Variants in ELP3 observed in about 807,000 individuals in gnomAD.
ELP3 encodes the protein elongator complex protein 3.
ELP3 carries 56 observed loss-of-function variants against 74.9 expected under a neutral mutation model. The observed-to-expected ratio is 0.75, with a 90% CI of 0.60 to 0.93. ELP3 has a LOEUF of 0.93. Ranked by LOEUF, ELP3 falls within the 40% of genes least tolerant of loss-of-function variation. The pLI is 0.00. For missense variants in ELP3, 573 were observed against 686.5 expected (o/e 0.83, Z 1.85); for synonymous variants, 222 against 239.8 (o/e 0.93, Z 0.68).
chr8:28,137,333 G>A (rs1269623594), intron 9 of ELP3, among the ~76,000 whole-genome samples: 4 of 152,144 alleles, frequency 2.6e-5, no homozygotes, highest in Non-Finnish European at 4.4e-5. Flanking sequence ...CTCTGAAGAA[G>A]TGGCATTCAA....
chr8:28,166,490 A>G (rs960157399), intron 14 of ELP3, among the ~76,000 whole-genome samples: 55 of 152,240 alleles, frequency 3.6e-4, no homozygotes, highest in African/African-American at 1.3e-3. Flanking sequence ...AGCTTAATCC[A>G]TATAGCTTCT....
intron 9 of ELP3, among the ~76,000 whole-genome samples, chr8:28,135,640 A>G: frequency 6.6e-6 from 1 of 152,150 alleles, no homozygotes; most frequent in East Asian, 1.9e-4. Context: ...CTGTTCGGGA[A>G]AGGCTAAGGG....
In ELP3 at chr8:28,106,780, G is replaced by A. The variant is rs374512748; in HGVS notation, c.326G>A (p.Cys109Tyr). The part of the protein sequence containing the change: ...CPHISFTGNI[C>Y]VYCPGGPDSD... Reference sequence around the variant, plus strand: ...CACATCAGTTTTACAGGAAATATATGTGTGTAAGTATGGTGATTTTATTAA... The same window carrying A: ...CACATCAGTTTTACAGGAAATATATATGTGTAAGTATGGTGATTTTATTAA... Residue 109 changes from cysteine to tyrosine, a missense_variant, in exon 4 of 15, where the codon TGT becomes TAT. Coordinates refer to ENST00000256398, the MANE Select transcript of ELP3 (RefSeq NM_018091.6). 298 of 1,611,202 alleles carry A rather than the reference G, an allele frequency of 1.8e-4. No individual in the cohort carries two copies. The highest frequency in any genetic ancestry group is 2.3e-4 in the Non-Finnish European group (275 of 1,178,604).
chr8:28,149,047 C>T (rs1425977412), intron 10 of ELP3, among the ~76,000 whole-genome samples: 1 of 152,184 alleles, frequency 6.6e-6, no homozygotes, highest in Non-Finnish European at 1.5e-5. Context: ...AGCAAGAAGG[C>T]ACCATCTGTG....
intron 10 of ELP3, among the ~76,000 whole-genome samples, chr8:28,142,427 G>T (rs958968208): frequency 2.6e-5 from 4 of 152,210 alleles, no homozygotes; most frequent in Non-Finnish European, 4.4e-5. Context: ...TATGGAGCTT[G>T]TGAGTGAGGA....
intron 7 of ELP3, among the ~76,000 whole-genome samples, chr8:28,121,640 T>C (rs1012773040): frequency 1.3e-5 from 2 of 152,098 alleles, no homozygotes; most frequent in African/African-American, 4.8e-5. Flanking sequence ...TTTTTTCAAA[T>C]TTTTGCTGCT....
intron 10 of ELP3, among the ~76,000 whole-genome samples, chr8:28,138,628 A>G (rs1488290549): frequency 6.6e-6 from 1 of 152,236 alleles, no homozygotes; most frequent in African/African-American, 2.4e-5. Context: ...CTGCAAATGC[A>G]TTACAATCAG....
intron 1 of ELP3, 48 bp downstream of exon 1, chr8:28,093,281 G>A: frequency 1.2e-6 from 2 of 1,608,068 alleles, no homozygotes; most frequent in Non-Finnish European, 1.7e-6. Context: ...CGAAAGGGGC[G>A]AACGCCCAGG....
chr8:28,091,130 T>A (rs770760770), upstream of ELP3, among the ~76,000 whole-genome samples: 9 of 151,964 alleles, frequency 5.9e-5, no homozygotes, highest in Non-Finnish European at 1.0e-4. Context: ...ATGGTCTTGA[T>A]CTCCTGACCT....
At chr8:28,094,237 A>G (rs1811164053) in intron 1 of ELP3, among the ~76,000 whole-genome samples, 1 of 152,206 alleles carries the variant, frequency 6.6e-6, no homozygotes, top group Admixed American at 6.5e-5. Context: ...CTTACTTAGA[A>G]ATTACTTCTT....
chr8:28,113,458 T>C (rs868597216), intron 7 of ELP3, among the ~76,000 whole-genome samples: 10 of 30,890 alleles, frequency 3.2e-4, no homozygotes, highest in Middle Eastern at 8.3e-3. Flanking sequence ...ATATGGTCCA[T>C]GAATGTCTTT....
At chr8:28,117,099 C>T (rs970178137) in intron 7 of ELP3, among the ~76,000 whole-genome samples, 3 of 152,068 alleles carry the variant, frequency 2.0e-5, no homozygotes, top group African/African-American at 7.2e-5. Context: ...ATCTTGAAGA[C>T]CTTACATATT....
At chr8:28,091,377 A>G (rs186165824), upstream of ELP3, among the ~76,000 whole-genome samples, 26 of 152,252 alleles carry the variant, frequency 1.7e-4, no homozygotes, top group South Asian at 2.1e-4. Context: ...TTTTCAGTTT[A>G]ACTTTGGAAT....
chr8:28,099,548 C>G (rs1470841050), intron 2 of ELP3, among the ~76,000 whole-genome samples: 12 of 152,186 alleles, frequency 7.9e-5, no homozygotes, highest in Non-Finnish European at 1.8e-4. Flanking sequence ...AGCTGCAGCA[C>G]TATTCTGAAC....
intron 7 of ELP3, among the ~76,000 whole-genome samples, chr8:28,119,599 T>C (rs1409108799): frequency 2.0e-5 from 2 of 98,776 alleles, no homozygotes; most frequent in Non-Finnish European, 3.7e-5. Flanking sequence ...TATATATATA[T>C]ATATATATAT....
At chr8:28,158,291 A>G (rs1156312847) in intron 11 of ELP3, among the ~76,000 whole-genome samples, 1 of 152,072 alleles carries the variant, frequency 6.6e-6, no homozygotes, top group Non-Finnish European at 1.5e-5. Flanking sequence ...AGATTATATT[A>G]TATATTGATC....
At chr8:28,124,519 A>G (rs1812498329) in intron 7 of ELP3, among the ~76,000 whole-genome samples, 1 of 152,234 alleles carries the variant, frequency 6.6e-6, no homozygotes, top group South Asian at 2.1e-4. Flanking sequence ...TCATTTAGCA[A>G]CCACTTTCTG....
chr8:28,095,189 C>CCTAT (rs1312807305), intron 1 of ELP3, among the ~76,000 whole-genome samples: 1 of 152,110 alleles, frequency 6.6e-6, no homozygotes, highest in African/African-American at 2.4e-5. Flanking sequence ...CAAATCTTGC[C>CCTAT]CTATCTTTAA....
At chr8:28,110,778 C>T (rs1811886776) in intron 6 of ELP3, 1 of 227,952 alleles carries the variant, frequency 4.4e-6, no homozygotes, top group South Asian at 6.7e-5. Context: ...TTCCAAAAGT[C>T]AGATTAAGAA....
Sources: gnomAD v4.1 joint callset for allele counts (sites outside exome capture counted in the v4.1 genomes callset) on GRCh38, gnomAD v4.1.1 for gene constraint, MANE v1.5 for transcripts, NCBI Gene and HGNC (gene_info 2026-07-23, HGNC 2026-07-21) for gene names.